Variants in LMO7 observed in about 807,000 individuals in gnomAD.
LMO7 encodes LIM domain 7, also known as LIM domain only protein 7.
Under a neutral mutation model 206.5 loss-of-function variants are expected in LMO7, and 120 were observed. The observed-to-expected ratio is 0.58, with a 90% CI of 0.50 to 0.68. The LOEUF is 0.68. Ranked by LOEUF, LMO7 falls within the 30% of genes least tolerant of loss-of-function variation. The pLI is 0.00. For missense variants in LMO7, 1,959 were observed against 1,957.9 expected (o/e 1.00, Z -0.01); for synonymous variants, 706 against 681.5 (o/e 1.04, Z -0.56).
intron 19 of LMO7, 94 bp from the exon 20 acceptor site, chr13:75,838,046 G>T: frequency 1.4e-6 from 1 of 709,830 alleles, no homozygotes; most frequent in South Asian, 1.8e-5. Context: ...AAATAATATT[G>T]CTACAGATTG....
rs36152058 is a variant in LMO7, at chr13:75,729,610, A to G, written c.210+2512A>G. On this transcript the variant is annotated intron_variant, in intron 3 of 30. Coordinates refer to ENST00000377534, the MANE Select transcript of LMO7 (RefSeq NM_001306080.2). Reference sequence around the variant, plus strand: ...TGACTTCCTCTTTTCCTAATTGAATACCCTTTATTTCCTTCTCCTGCCTAA... The same window carrying G: ...TGACTTCCTCTTTTCCTAATTGAATGCCCTTTATTTCCTTCTCCTGCCTAA... Among the ~76,000 whole-genome samples the G allele has an allele frequency of 4.4e-3, 662 of 149,800 alleles. 4 individuals carry two copies. Among genetic ancestry groups the G allele is most frequent in the African/African-American group, 0.015 (604 of 40,624 alleles).
rs2039588162 is a variant in LMO7, at chr13:75,671,601, AT to A, written c.69+34878del. Among the ~76,000 whole-genome samples the A allele has an allele frequency of 2.6e-5, 4 of 152,266 alleles. No individual in the cohort carries two copies. The South Asian group carries it at 8.3e-4, about 32-fold the overall frequency. On this transcript the variant is annotated intron_variant, in intron 1 of 30. Transcript: ENST00000377534. ...TCCTTCTAGCCCTCATGAAGCTGCC[AT>A]TTGTCACTCTGCTACTCATATCAGG...
At chr13:75,830,539 C>T (rs2058562653) in intron 15 of LMO7, among the ~76,000 whole-genome samples, 1 of 152,214 alleles carries the variant, frequency 6.6e-6, no homozygotes, top group Non-Finnish European at 1.5e-5. Context: ...GTCCTCTCCT[C>T]TTTGCCTGTG....
At chr13:75,814,419 C>T (rs921213242) in intron 11 of LMO7, among the ~76,000 whole-genome samples, 5 of 152,082 alleles carry the variant, frequency 3.3e-5, no homozygotes, top group African/African-American at 1.2e-4. Context: ...CTGTAACAGA[C>T]ATAAGGCTGA....
intron 15 of LMO7, 47 bp downstream of exon 15, chr13:75,823,920 C>T (rs1302532384): frequency 6.8e-7 from 1 of 1,480,504 alleles, no homozygotes; most frequent in Non-Finnish European, 9.3e-7. Context: ...GACACTTACA[C>T]ATTTAAATCT....
intron 1 of LMO7, among the ~76,000 whole-genome samples, chr13:75,677,642 C>CTTT (rs10633628): frequency 0.1 from 15,429 of 147,714 alleles, 963 homozygotes; most frequent in Middle Eastern, 0.19. Flanking sequence ...TGTCCTGTAG[C>CTTT]TTTTTTTTTT....
Position 75,824,529 on chromosome 13 carries a change from A to G in LMO7, c.2949+656A>G, listed in dbSNP as rs539775252. 1.1e-3 allele frequency among the ~76,000 whole-genome samples: 171 copies of G among 152,280 alleles called. 1 individual carries two copies. Among genetic ancestry groups the G allele is most frequent in the Middle Eastern group, 3.4e-3 (1 of 294 alleles). Reference sequence around the variant, plus strand: ...ACTGGGGGCATGTGTAGTTTTTCCTACTTAAATTTCTAATAGATGACTTCT... The same window carrying G: ...ACTGGGGGCATGTGTAGTTTTTCCTGCTTAAATTTCTAATAGATGACTTCT... On this transcript the variant is annotated intron_variant, in intron 15 of 30. Transcript: ENST00000377534.
intron 1 of LMO7, among the ~76,000 whole-genome samples, chr13:75,658,982 G>T (rs1401869364): frequency 6.6e-6 from 1 of 152,118 alleles, no homozygotes; most frequent in Non-Finnish European, 1.5e-5. Context: ...TTAAAGAGTT[G>T]ATTTTTCTTC....
chr13:75,833,142 T>A lies in LMO7; in HGVS notation c.3041T>A (p.Ile1014Asn). The A allele has an allele frequency of 6.3e-7, 1 of 1,598,414 alleles. No individual in the cohort carries two copies. The highest frequency in any genetic ancestry group is 1.7e-4 in the Middle Eastern group (1 of 6,024). The change falls in exon 16 of 31, where the codon ATC (isoleucine) becomes AAC (asparagine). Residue 1014 changes from isoleucine to asparagine, a missense_variant. Ile to Asn is a moderately radical substitution (Grantham distance 149). Transcript: ENST00000377534. ...ACAATAAAATGGGATATTCCTGGGA[T>A]CTTCGTAGCATCAGTTGAAGCAGGT... is the stretch of plus-strand genomic sequence containing the variant. ...GFTIKWDIPG[I>N]FVASVEAGSP...
intron 4 of LMO7, among the ~76,000 whole-genome samples, chr13:75,771,998 A>G (rs373075214): frequency 1.4e-4 from 21 of 152,248 alleles, no homozygotes; most frequent in African/African-American, 4.3e-4. Context: ...GTCTAATTCC[A>G]GTAAGATGAA....
intron 4 of LMO7, among the ~76,000 whole-genome samples, chr13:75,775,282 A>G (rs566312219): frequency 2.0e-5 from 3 of 151,978 alleles, no homozygotes; most frequent in East Asian, 1.9e-4. Flanking sequence ...ACAGAACCAC[A>G]CTTCTCACCG....
At chr13:75,696,200 C>G (rs572599252) in intron 1 of LMO7, among the ~76,000 whole-genome samples, 7 of 152,180 alleles carry the variant, frequency 4.6e-5, no homozygotes, top group Non-Finnish European at 2.9e-5. Context: ...ACTAAAAATA[C>G]AAAAATGAGC....
intron 3 of LMO7, among the ~76,000 whole-genome samples, chr13:75,735,097 CAAAA>C: frequency 9.8e-6 from 1 of 102,238 alleles, no homozygotes; most frequent in East Asian, 3.0e-4. Context: ...GACTCCGTCT[CAAAA>C]AAAAAAAAAA....
At chr13:75,637,355 A>C (rs1191454716) in intron 1 of LMO7, among the ~76,000 whole-genome samples, 4 of 152,204 alleles carry the variant, frequency 2.6e-5, no homozygotes, top group African/African-American at 9.6e-5. Flanking sequence ...CATTCGCTGA[A>C]GAGCTGTTAC....
chr13:75,749,772 A>C (rs1432220486), intron 3 of LMO7, among the ~76,000 whole-genome samples: 1 of 151,122 alleles, frequency 6.6e-6, no homozygotes, highest in African/African-American at 2.4e-5. Flanking sequence ...ATGAAACTTT[A>C]CGGCTTTCCT....
intron 4 of LMO7, among the ~76,000 whole-genome samples, chr13:75,787,504 A>G (rs2052620711): frequency 6.6e-6 from 1 of 152,236 alleles, no homozygotes; most frequent in Non-Finnish European, 1.5e-5. Flanking sequence ...AATTATTTTT[A>G]ACAAGAGGGT....
chr13:75,738,545 A>G (rs1323668969), intron 3 of LMO7, among the ~76,000 whole-genome samples: 6 of 152,130 alleles, frequency 3.9e-5, no homozygotes, highest in Non-Finnish European at 8.8e-5. Context: ...TTAATTTTAT[A>G]AAGAAATACA....
chr13:75,629,988 C>G (rs1224779619), intron 2 of LMO7, among the ~76,000 whole-genome samples: 1 of 152,098 alleles, frequency 6.6e-6, no homozygotes, highest in East Asian at 1.9e-4. Flanking sequence ...GGAATTTGTT[C>G]TAGGACCCCT....
At chr13:75,774,966 G>T (rs2050188359) in intron 4 of LMO7, among the ~76,000 whole-genome samples, 1 of 152,174 alleles carries the variant, frequency 6.6e-6, no homozygotes, top group Non-Finnish European at 1.5e-5. Flanking sequence ...ATAATGCGAG[G>T]TGATAAGGAC....
Sources: gnomAD v4.1 joint callset for allele counts (sites outside exome capture counted in the v4.1 genomes callset) on GRCh38, gnomAD v4.1.1 for gene constraint, MANE v1.5 for transcripts, NCBI Gene and HGNC (gene_info 2026-07-23, HGNC 2026-07-21) for gene names.